The following ZMYM2 variants were observed in gnomAD, a reference collection of about 807,000 sequenced individuals.
ZMYM2 encodes the protein zinc finger MYM-type protein 2.
ZMYM2 carries 56 observed loss-of-function variants against 162.8 expected under a neutral mutation model. That is an observed-to-expected ratio of 0.34 (90% CI 0.28 to 0.43). The LOEUF (loss-of-function observed/expected upper bound fraction) is 0.43. ZMYM2 is among the 20% of genes least tolerant of loss of function. The pLI, the probability that ZMYM2 is intolerant of heterozygous loss-of-function variation, is 1.00. For missense variants in ZMYM2, 1,275 were observed against 1,621.8 expected (o/e 0.79, Z 3.67); for synonymous variants, 510 against 541.6 (o/e 0.94, Z 0.81).
intron 21 of ZMYM2, among the ~76,000 whole-genome samples, chr13:20,067,808 A>C (rs1956793390): frequency 6.6e-6 from 1 of 152,176 alleles, no homozygotes; most frequent in Non-Finnish European, 1.5e-5. Context: ...CATGTCTATG[A>C]ATTTGTTTTC....
chr13:19,962,502 T>C (rs1955331611), intron 2 of ZMYM2, among the ~76,000 whole-genome samples: 1 of 63,240 alleles, frequency 1.6e-5, no homozygotes, highest in Admixed American at 1.5e-4. Flanking sequence ...ATGGGATATA[T>C]ATATATATAT....
the ZMYM2 span, among the ~76,000 whole-genome samples, chr13:19,881,621 C>CAATAAAA: frequency 6.6e-6 from 1 of 150,424 alleles, no homozygotes; most frequent in African/African-American, 2.5e-5. Context: ...GACTCAGTCT[C>CAATAAAA]AATAAAAAAT....
At position 20,051,546 on chromosome 13, in the gene ZMYM2, A is replaced by G. The variant is rs766292995; in HGVS notation, c.2406A>G (p.Gln802=). The change falls in exon 13 of 25, where the codon CAA becomes CAG. Residue 802 remains glutamine, a synonymous_variant. Transcript: ENST00000610343. ...DQHCLLRFYC[Q]QNEPNMTTQK... ...ATTGCTTACTGCGTTTCTACTGTCA[A>G]CAAAATGAGCCCAACATGACAACTC... 1.2e-6 allele frequency: 2 copies of G among 1,613,606 alleles called. No individual in the cohort carries two copies. Among genetic ancestry groups the G allele is most frequent in the East Asian group, 2.2e-5 (1 of 44,862 alleles).
At chr13:19,994,577 C>T (rs533735864) in intron 3 of ZMYM2, among the ~76,000 whole-genome samples, 4 of 151,990 alleles carry the variant, frequency 2.6e-5, no homozygotes, top group African/African-American at 7.3e-5. Context: ...GCAATCTCCG[C>T]CTCCTGTGTT....
chr13:19,895,076 C>CCA, the ZMYM2 span, among the ~76,000 whole-genome samples: 5 of 83,752 alleles, frequency 6.0e-5, no homozygotes, highest in East Asian at 7.6e-4. Context: ...AACTCCATCT[C>CCA]AAAAAAAAAA....
At chr13:19,894,214 A>G in the ZMYM2 span, among the ~76,000 whole-genome samples, 1 of 151,978 alleles carries the variant, frequency 6.6e-6, no homozygotes, top group South Asian at 2.1e-4. Context: ...TTACTACACC[A>G]GTACACTTAA....
the ZMYM2 span, among the ~76,000 whole-genome samples, chr13:19,929,100 A>G: frequency 3.9e-5 from 6 of 152,232 alleles, no homozygotes; most frequent in Non-Finnish European, 7.3e-5. Flanking sequence ...TGTTATTTAT[A>G]CTAATGTGCC....
At chr13:19,903,889 G>A in the ZMYM2 span, among the ~76,000 whole-genome samples, 1 of 151,862 alleles carries the variant, frequency 6.6e-6, no homozygotes, top group Non-Finnish European at 1.5e-5. Context: ...ATTAATAAAA[G>A]AACAGTGTTT....
At chr13:19,883,709 A>C in the ZMYM2 span, among the ~76,000 whole-genome samples, 1 of 152,204 alleles carries the variant, frequency 6.6e-6, no homozygotes, top group African/African-American at 2.4e-5. Flanking sequence ...AAACATGTGT[A>C]AGACAGACTC....
chr13:19,999,032 C>T (rs902404294), intron 3 of ZMYM2, among the ~76,000 whole-genome samples: 4 of 152,154 alleles, frequency 2.6e-5, no homozygotes, highest in African/African-American at 9.7e-5. Flanking sequence ...GCCTGCAGAA[C>T]AGCAACTAGT....
intron 21 of ZMYM2, chr13:20,071,038 C>G (rs1295251395): frequency 2.6e-5 from 4 of 152,860 alleles, no homozygotes; most frequent in Admixed American, 1.3e-4. Flanking sequence ...ATGAAACAGT[C>G]CTTGCTAACA....
At chr13:19,866,073 T>G in the ZMYM2 span, among the ~76,000 whole-genome samples, 1 of 151,178 alleles carries the variant, frequency 6.6e-6, no homozygotes, top group African/African-American at 2.4e-5. Flanking sequence ...ATTAAATGAA[T>G]TGGCCGGGCA....
At chr13:20,006,048 ATAGTGGGACCCTATCCCTACC>A (rs1197865447) in intron 5 of ZMYM2, among the ~76,000 whole-genome samples, 1 of 152,144 alleles carries the variant, frequency 6.6e-6, no homozygotes, top group Non-Finnish European at 1.5e-5. Flanking sequence ...CCTGGGAAGC[ATAGTGGGACCCTATCCCTACC>A]TAAAAGAAAA....
the ZMYM2 span, among the ~76,000 whole-genome samples, chr13:19,934,763 CTTTCTTTCTTTTT>C: frequency 3.4e-4 from 7 of 20,334 alleles, no homozygotes; most frequent in Non-Finnish European, 2.2e-3. Context: ...TTTTTTCTTT[CTTTCTTTCTTTTT>C]TTTTTTTTGA....
At chr13:20,057,904 A>T (rs1180605503) in intron 14 of ZMYM2, among the ~76,000 whole-genome samples, 2 of 152,156 alleles carry the variant, frequency 1.3e-5, no homozygotes, top group African/African-American at 4.8e-5. Flanking sequence ...TGTGGAGAGT[A>T]CCTTATTTTT....
the ZMYM2 span, among the ~76,000 whole-genome samples, chr13:19,945,037 A>C: frequency 2.0e-5 from 3 of 152,132 alleles, no homozygotes; most frequent in Non-Finnish European, 2.9e-5. Flanking sequence ...AAAAAGAAAA[A>C]CAAAACCAAA....
At chr13:19,995,152 T>C (rs1594245439) in intron 3 of ZMYM2, among the ~76,000 whole-genome samples, 1 of 152,068 alleles carries the variant, frequency 6.6e-6, no homozygotes, top group Non-Finnish European at 1.5e-5. Context: ...GCCATTTTAT[T>C]TTTTATTAAG....
At chr13:20,054,827 T>A (rs1270510151) in intron 14 of ZMYM2, among the ~76,000 whole-genome samples, 1 of 152,128 alleles carries the variant, frequency 6.6e-6, no homozygotes, top group Non-Finnish European at 1.5e-5. Flanking sequence ...TAATGCCTGG[T>A]ATGTAACAGA....
chr13:19,895,953 G>C, the ZMYM2 span, among the ~76,000 whole-genome samples: 1 of 151,374 alleles, frequency 6.6e-6, no homozygotes, highest in East Asian at 1.9e-4. Context: ...AATTCTAACT[G>C]ATCTACAACA....
Sources: allele counts gnomAD v4.1 joint callset (sites outside exome capture counted in the v4.1 genomes callset), GRCh38; gene constraint gnomAD v4.1.1; transcripts MANE v1.5; gene names NCBI Gene and HGNC (gene_info 2026-07-23, HGNC 2026-07-21).